The following MAP2K5 variants were observed in gnomAD, a reference collection of about 807,000 sequenced individuals.
The protein encoded by MAP2K5 is mitogen-activated protein kinase kinase 5.
Under a neutral mutation model 83.1 loss-of-function variants are expected in MAP2K5, and 49 were observed. That is an observed-to-expected ratio of 0.59 (90% CI 0.47 to 0.75). The LOEUF (loss-of-function observed/expected upper bound fraction) is 0.75, where lower values mean the gene tolerates loss of function less well. MAP2K5 is among the 30% of genes least tolerant of loss of function. The pLI, the probability that MAP2K5 is intolerant of heterozygous loss-of-function variation, is 0.00. For missense variants in MAP2K5, 457 were observed against 557.5 expected, an observed-to-expected ratio of 0.82 and a Z score of 1.82; for synonymous variants, 202 against 191.8, an observed-to-expected ratio of 1.05 and a Z score of -0.44.
chr15:67,790,542 G>T lies in MAP2K5; in HGVS notation c.1243-16104G>T, dbSNP rs2090497742. Among the ~76,000 whole-genome samples, 1 of 152,124 alleles carries T rather than the reference G, an allele frequency of 6.6e-6. No homozygotes were observed. ...TTCCTTTTTTCTATTTTGTGGTTTA[G>T]TTACATGGAATTCTAAACCCAGAAG... On this transcript the variant is annotated intron_variant, in intron 21 of 21. Transcript: ENST00000178640. This position sits in a 1 kb window ranked among gnomAD's most constrained non-coding sequence, Gnocchi z 4.6.
intron 21 of MAP2K5, among the ~76,000 whole-genome samples, chr15:67,789,176 A>G (rs1423540391): frequency 2.0e-5 from 3 of 152,180 alleles, no homozygotes; most frequent in African/African-American, 7.2e-5. Context: ...TCCATATAAT[A>G]TAAAGATCAA....
In MAP2K5 at chr15:67,779,969, AG is replaced by A. The variant is rs1206328351; in HGVS notation, c.1242+7218del. ...TTTCTGTTATTTGGGTGGTGCCCTC[AG>A]CCTAAAAGAGCCTCCTCTCCCCTCC... is the stretch of plus-strand genomic sequence containing the variant. On this transcript the variant is annotated intron_variant, in intron 21 of 21. Transcript: ENST00000178640. The surrounding 1 kb of genome is among the most constrained non-coding windows in gnomAD (Gnocchi z 4.6). Among the ~76,000 whole-genome samples, 1 of 152,148 alleles carries A rather than the reference AG, an allele frequency of 6.6e-6. No homozygotes were observed. The highest frequency in any genetic ancestry group is 1.5e-5 in the Non-Finnish European group (1 of 68,000).
At chr15:67,599,969 T>C (rs1057371805) in intron 7 of MAP2K5, among the ~76,000 whole-genome samples, 4 of 150,782 alleles carry the variant, frequency 2.7e-5, no homozygotes, top group Middle Eastern at 3.5e-3. Context: ...TAATAGGTTT[T>C]ATAGAACCTT....
intron 15 of MAP2K5, among the ~76,000 whole-genome samples, chr15:67,697,773 A>G (rs916141217): frequency 2.6e-5 from 4 of 152,278 alleles, no homozygotes; most frequent in African/African-American, 9.6e-5. Context: ...AAAAGAAAAT[A>G]TATCAGAATG....
At chr15:67,766,033 G>C (rs1033681311) in intron 19 of MAP2K5, among the ~76,000 whole-genome samples, 6 of 152,224 alleles carry the variant, frequency 3.9e-5, no homozygotes, top group Admixed American at 3.9e-4. Context: ...AGCATGCTGC[G>C]TGCTTGTGTT....
At position 67,573,855 on chromosome 15, in the gene MAP2K5, G is replaced by A. The variant is rs1209870494; in HGVS notation, c.253-6899G>A. ...TAGTTACACAAAGATGAATAATCCT[G>A]TGTCACCAGCCTTGTAGTGCAGCGC... On this transcript the variant is annotated intron_variant, in intron 3 of 21. Transcript: ENST00000178640. The surrounding 1 kb of genome is among the most constrained non-coding windows in gnomAD (Gnocchi z 4.2). Among the ~76,000 whole-genome samples, 1 of 152,148 alleles carries A rather than the reference G, an allele frequency of 6.6e-6. No individual in the cohort carries two copies. Among genetic ancestry groups the A allele is most frequent in the African/African-American group, 2.4e-5 (1 of 41,436 alleles).
At chr15:67,759,745 A>G (rs867687524) in intron 19 of MAP2K5, among the ~76,000 whole-genome samples, 2 of 152,162 alleles carry the variant, frequency 1.3e-5, no homozygotes, top group African/African-American at 2.4e-5. Context: ...GTCACAGCAC[A>G]TAACTGCGGG....
Position 67,573,616 on chromosome 15 carries a change from C to T in MAP2K5, c.253-7138C>T, listed in dbSNP as rs552868728. ...ATAGAAGCTGGGTAAAATGAGGCTGCGACCTGCTGGGCCGCAGCCCCAGGA... is the reference window on the plus strand; with the variant it reads ...ATAGAAGCTGGGTAAAATGAGGCTGTGACCTGCTGGGCCGCAGCCCCAGGA... On this transcript the variant is annotated intron_variant, in intron 3 of 21. Transcript: ENST00000178640. This position sits in a 1 kb window ranked among gnomAD's most constrained non-coding sequence, Gnocchi z 4.2. Among the ~76,000 whole-genome samples the T allele has an allele frequency of 3.3e-5, 5 of 152,162 alleles. No homozygotes were observed. The highest frequency in any genetic ancestry group is 1.9e-4 in the East Asian group (1 of 5,162).
intron 17 of MAP2K5, among the ~76,000 whole-genome samples, chr15:67,729,232 G>T (rs1263495858): frequency 1.3e-5 from 2 of 152,086 alleles, no homozygotes; most frequent in African/African-American, 4.8e-5. Context: ...TATTTATCTT[G>T]GTAAGCTTCT....
intron 1 of MAP2K5, among the ~76,000 whole-genome samples, chr15:67,547,284 A>G (rs1328174254): frequency 1.3e-5 from 2 of 152,056 alleles, no homozygotes; most frequent in South Asian, 2.1e-4. Context: ...TCAAGGATCA[A>G]GTTTTATTGT....
At position 67,565,871 on chromosome 15, in the gene MAP2K5, A is replaced by G. The variant is rs1027145150; in HGVS notation, c.252+2521A>G. Among the ~76,000 whole-genome samples, 1 of 151,894 alleles carries G rather than the reference A, an allele frequency of 6.6e-6. No individual in the cohort carries two copies. Among genetic ancestry groups the G allele is most frequent in the Non-Finnish European group, 1.5e-5 (1 of 67,948 alleles). On this transcript the variant is annotated intron_variant, in intron 3 of 21. Coordinates refer to ENST00000178640, the MANE Select transcript of MAP2K5 (RefSeq NM_145160.3). The surrounding 1 kb of genome is among the most constrained non-coding windows in gnomAD (Gnocchi z 4.1). Reference sequence around the variant, plus strand: ...GTGGTCCTCCTGCCTCAGCCTCCCAAGGTGCTGGAATTACAGGCGTGAGCC... The same window carrying G: ...GTGGTCCTCCTGCCTCAGCCTCCCAGGGTGCTGGAATTACAGGCGTGAGCC...
At chr15:67,678,705 C>T (rs2087740170) in intron 13 of MAP2K5, among the ~76,000 whole-genome samples, 1 of 152,166 alleles carries the variant, frequency 6.6e-6, no homozygotes, top group South Asian at 2.1e-4. Flanking sequence ...GTGGCTCACG[C>T]CTGTAATCCC....
At chr15:67,613,042 G>T (rs1002680020) in intron 8 of MAP2K5, among the ~76,000 whole-genome samples, 4 of 152,072 alleles carry the variant, frequency 2.6e-5, no homozygotes, top group Non-Finnish European at 5.9e-5. Flanking sequence ...GTTCTGAGAT[G>T]GGACAATTCC....
chr15:67,757,748 C>CT lies in MAP2K5; in HGVS notation c.1134+9148dup, dbSNP rs916884729. 6.6e-6 allele frequency among the ~76,000 whole-genome samples: 1 copy of CT among 152,196 alleles called. No individual in the cohort carries two copies. The highest frequency in any genetic ancestry group is 6.5e-5 in the Admixed American group (1 of 15,294). On this transcript the variant is annotated intron_variant, in intron 19 of 21. Coordinates refer to ENST00000178640, the MANE Select transcript of MAP2K5 (RefSeq NM_145160.3). The surrounding 1 kb of genome is among the most constrained non-coding windows in gnomAD (Gnocchi z 4.9). ...CTGGGCTCTCGGAGGACCACAGTGACTATCATTTTAACCACTCACATAAAT... is the reference window on the plus strand; with the variant it reads ...CTGGGCTCTCGGAGGACCACAGTGACTTATCATTTTAACCACTCACATAAAT...
At chr15:67,744,923 G>A (rs867510364) in intron 17 of MAP2K5, among the ~76,000 whole-genome samples, 1 of 152,210 alleles carries the variant, frequency 6.6e-6, no homozygotes, top group Middle Eastern at 3.4e-3. Flanking sequence ...CTTCTATGAA[G>A]TCATTCTTCC....
At chr15:67,767,565 A>G (rs1002571538) in intron 19 of MAP2K5, among the ~76,000 whole-genome samples, 1 of 152,156 alleles carries the variant, frequency 6.6e-6, no homozygotes, top group Non-Finnish European at 1.5e-5. Context: ...TCTTTTTACT[A>G]ATGGTTTTTG....
At chr15:67,625,562 T>C (rs1319066410) in intron 8 of MAP2K5, among the ~76,000 whole-genome samples, 1 of 152,234 alleles carries the variant, frequency 6.6e-6, no homozygotes, top group Non-Finnish European at 1.5e-5. Flanking sequence ...TTACAATTAA[T>C]GTGTTGAGGA....
intron 8 of MAP2K5, among the ~76,000 whole-genome samples, chr15:67,627,014 C>T (rs1426158299): frequency 1.3e-5 from 1 of 79,182 alleles, no homozygotes; most frequent in African/African-American, 3.3e-5. Flanking sequence ...CTCACTGCAG[C>T]CTGACCTCCT....
intron 8 of MAP2K5, among the ~76,000 whole-genome samples, chr15:67,618,885 G>A (rs1359272047): frequency 6.6e-6 from 1 of 152,106 alleles, no homozygotes; most frequent in African/African-American, 2.4e-5. Flanking sequence ...TTGCTTTCCT[G>A]TAATGTGTTC....
Sources: allele counts gnomAD v4.1 joint callset (sites outside exome capture counted in the v4.1 genomes callset), GRCh38; gene constraint gnomAD v4.1.1; non-coding constraint Gnocchi (gnomAD v3.1); transcripts MANE v1.5; gene names NCBI Gene and HGNC (gene_info 2026-07-23, HGNC 2026-07-21).